Variants in PTPRN2 observed in about 807,000 individuals in gnomAD.
The protein encoded by PTPRN2 is receptor-type tyrosine-protein phosphatase N2.
Under a neutral mutation model 118.8 loss-of-function variants are expected in PTPRN2, and 74 were observed. That is an observed-to-expected ratio of 0.62 (90% CI 0.52 to 0.76). PTPRN2 has a LOEUF of 0.76. PTPRN2 is among the 30% of genes least tolerant of loss of function. The probability of loss-of-function intolerance (pLI) is 0.00; values close to 1 mark genes in which losing one functional copy is unlikely to be tolerated. For missense variants in PTPRN2, 1,481 were observed against 1,394.4 expected (o/e 1.06, Z -0.99); for synonymous variants, 641 against 608.0 (o/e 1.05, Z -0.80).
rs548501028 is a variant in PTPRN2, at chr7:158,249,049, ACG to A, written c.278-43778_278-43777del. Among the ~76,000 whole-genome samples the A allele has an allele frequency of 4.2e-4, 63 of 151,628 alleles. 1 individual carries two copies. Among genetic ancestry groups the A allele is most frequent in the Admixed American group, 1.2e-3 (18 of 15,226 alleles). On this transcript the variant is annotated intron_variant, in intron 3 of 22. Coordinates refer to ENST00000389418, the MANE Select transcript of PTPRN2 (RefSeq NM_002847.5). ...AAACACACGTGCACACATGCCACAC[ACG>A]TGCACCCACATCACACACATACACC...
rs1827921986 is a variant in PTPRN2 at position 158,570,112 on chromosome 7, G to C, written c.112+17446C>G. Reference sequence around the variant, plus strand: ...CCCCGAGAAGCCGCCGCGCCGGGCTGAGATCGGGCCCCAGGCTCTCCGCGG... The same window carrying C: ...CCCCGAGAAGCCGCCGCGCCGGGCTCAGATCGGGCCCCAGGCTCTCCGCGG... On this transcript the variant is annotated intron_variant, in intron 1 of 22. Coordinates refer to ENST00000389418, the MANE Select transcript of PTPRN2 (RefSeq NM_002847.5). The surrounding 1 kb of genome is among the most constrained non-coding windows in gnomAD (Gnocchi z 4.5). Among the ~76,000 whole-genome samples the C allele has an allele frequency of 6.6e-6, 1 of 152,116 alleles. No homozygotes were observed. Among genetic ancestry groups the C allele is most frequent in the African/African-American group, 2.4e-5 (1 of 41,452 alleles).
intron 14 of PTPRN2, among the ~76,000 whole-genome samples, chr7:157,624,459 T>C (rs1314754492): frequency 6.6e-6 from 1 of 151,614 alleles, no homozygotes; most frequent in Non-Finnish European, 1.5e-5. Flanking sequence ...GGTAACCTAC[T>C]GAGTGTCACA....
chr7:157,746,761 C>A (rs576220378), intron 12 of PTPRN2, among the ~76,000 whole-genome samples: 2 of 152,212 alleles, frequency 1.3e-5, no homozygotes, highest in African/African-American at 4.8e-5. Context: ...CAGATCTCTT[C>A]CGTTCAGCTG....
chr7:158,055,720 C>A (rs1809732493), intron 11 of PTPRN2, among the ~76,000 whole-genome samples: 1 of 152,208 alleles, frequency 6.6e-6, no homozygotes, highest in Non-Finnish European at 1.5e-5. Context: ...GGACACGTAA[C>A]CCATGTGACC....
At position 158,517,904 on chromosome 7, in the gene PTPRN2, C is replaced by G. The variant is rs141744984; in HGVS notation, c.113-28119G>C. On this transcript the variant is annotated intron_variant, in intron 1 of 22. Transcript: ENST00000389418. The surrounding 1 kb of genome is among the most constrained non-coding windows in gnomAD (Gnocchi z 5.3). ...CTGCAGAAAAACCTTCCCTCCCCCC[C>G]AGTCTGACTAGAGTCCACTCATTTT... is the stretch of plus-strand genomic sequence containing the variant. 1.3e-3 allele frequency among the ~76,000 whole-genome samples: 205 copies of G among 152,326 alleles called. 5 individuals carry two copies. In the East Asian group the frequency reaches 0.033, roughly 25 times the overall value.
intron 12 of PTPRN2, among the ~76,000 whole-genome samples, chr7:157,888,554 A>ACCCCCCCT (rs1377457783): frequency 1.7e-5 from 1 of 59,532 alleles, no homozygotes; most frequent in African/African-American, 6.7e-5. Context: ...GCGCCCCCCC[A>ACCCCCCCT]CCCCCCAACA....
chr7:158,262,976 CACAT>C (rs546843024), intron 3 of PTPRN2, among the ~76,000 whole-genome samples: 1,427 of 121,766 alleles, frequency 0.012, 25 homozygotes, highest in African/African-American at 0.044. Context: ...ACACACTGCA[CACAT>C]ACAGATTCAC....
intron 11 of PTPRN2, among the ~76,000 whole-genome samples, chr7:158,065,821 A>T (rs1810729720): frequency 6.6e-6 from 1 of 152,264 alleles, no homozygotes; most frequent in Non-Finnish European, 1.5e-5. Context: ...TGCGTATTTA[A>T]AATGGAAATT....
intron 1 of PTPRN2, 39 bp downstream of exon 1, chr7:158,587,519 A>G: frequency 8.9e-7 from 1 of 1,126,534 alleles, no homozygotes; most frequent in Non-Finnish European, 1.1e-6. Flanking sequence ...CCCCCAACTA[A>G]TTCATTGAGG....
intron 2 of PTPRN2, among the ~76,000 whole-genome samples, chr7:158,414,350 A>G (rs1280759516): frequency 6.6e-6 from 1 of 152,150 alleles, no homozygotes; most frequent in African/African-American, 2.4e-5. Flanking sequence ...GGGCTGGAGC[A>G]TTAAGCCCCA....
chr7:157,755,499 T>G (rs1318772221), intron 12 of PTPRN2, among the ~76,000 whole-genome samples: 1 of 152,146 alleles, frequency 6.6e-6, no homozygotes, highest in Non-Finnish European at 1.5e-5. Context: ...CCTCATTTGA[T>G]TATAAGAAAA....
Position 158,231,580 on chromosome 7 carries a change from A to T in PTPRN2, c.278-26307T>A, listed in dbSNP as rs1455922349. On this transcript the variant is annotated intron_variant, in intron 3 of 22. Coordinates refer to ENST00000389418, the MANE Select transcript of PTPRN2 (RefSeq NM_002847.5). ...GGACAGATCATTCAGGCAAGAAATC[A>T]ACAAAGAAACTTTAGAGTTAAACTA... Among the ~76,000 whole-genome samples, 3 of 152,240 alleles carry T rather than the reference A, an allele frequency of 2.0e-5. No individual in the cohort carries two copies. In the East Asian group the frequency reaches 5.8e-4, roughly 29 times the overall value.
At chr7:158,537,363 G>A (rs941883061) in intron 1 of PTPRN2, 3 of 152,306 alleles carry the variant, frequency 2.0e-5, no homozygotes, top group African/African-American at 4.8e-5. Flanking sequence ...TAATGTCGTC[G>A]TTAGCACCCA....
chr7:158,331,687 G>A (rs1450825264), intron 2 of PTPRN2, among the ~76,000 whole-genome samples: 1 of 150,024 alleles, frequency 6.7e-6, no homozygotes, highest in African/African-American at 2.5e-5. Flanking sequence ...CATAAGAGGT[G>A]ACACTTGCAG....
intron 12 of PTPRN2, among the ~76,000 whole-genome samples, chr7:157,762,417 A>C (rs1376962372): frequency 2.0e-5 from 3 of 152,074 alleles, no homozygotes; most frequent in Non-Finnish European, 2.9e-5. Context: ...TGCAGCCATA[A>C]AAAATGATGA....
chr7:157,922,532 A>G (rs1317350603), intron 11 of PTPRN2, among the ~76,000 whole-genome samples: 1 of 152,248 alleles, frequency 6.6e-6, no homozygotes, highest in East Asian at 1.9e-4. Context: ...AACAAGAGCA[A>G]ACTTACCACT....
At chr7:158,378,747 G>A (rs1282889875) in intron 2 of PTPRN2, among the ~76,000 whole-genome samples, 1 of 152,152 alleles carries the variant, frequency 6.6e-6, no homozygotes, top group African/African-American at 2.4e-5. Context: ...GCTCAGGCAG[G>A]CACATTTGTC....
At chr7:158,478,406 A>G (rs781028181) in intron 2 of PTPRN2, among the ~76,000 whole-genome samples, 2 of 152,114 alleles carry the variant, frequency 1.3e-5, no homozygotes, top group Non-Finnish European at 2.9e-5. Context: ...TGAGCAATGG[A>G]CGCCACTGGG....
chr7:157,602,674 G>A (rs1278124871), intron 16 of PTPRN2, among the ~76,000 whole-genome samples: 4 of 144,132 alleles, frequency 2.8e-5, no homozygotes, highest in African/African-American at 1.0e-4. Context: ...GCTGAGCACC[G>A]TCCGTCATCA....
Sources: allele counts gnomAD v4.1 joint callset (sites outside exome capture counted in the v4.1 genomes callset), GRCh38; gene constraint gnomAD v4.1.1; non-coding constraint Gnocchi (gnomAD v3.1); transcripts MANE v1.5; gene names NCBI Gene and HGNC (gene_info 2026-07-23, HGNC 2026-07-21).